Variants in EXOC6 observed in about 807,000 individuals in gnomAD.
EXOC6 encodes exocyst complex component 6, also known as SEC15-like 1.
In EXOC6, 60 loss-of-function variants were observed where a neutral mutation model predicts 112.5. That is an observed-to-expected ratio of 0.53 (90% CI 0.43 to 0.66). The LOEUF (loss-of-function observed/expected upper bound fraction) is 0.66, where lower values mean the gene tolerates loss of function less well. EXOC6 is among the 30% of genes least tolerant of loss of function. The pLI, the probability that EXOC6 is intolerant of heterozygous loss-of-function variation, is 0.00. For synonymous variants in EXOC6, 295 were observed against 308.0 expected, an observed-to-expected ratio of 0.96 and a Z score of 0.44; for missense variants, 855 against 957.1, an observed-to-expected ratio of 0.89 and a Z score of 1.41.
At chr10:93,046,237 G>C (rs77706137) in intron 20 of EXOC6, among the ~76,000 whole-genome samples, 2,835 of 152,270 alleles carry the variant, frequency 0.019, 81 homozygotes, top group African/African-American at 0.065. Flanking sequence ...TTATTAGAAG[G>C]AGGAAAAAGG....
chr10:92,979,251 C>A (rs895530337), intron 18 of EXOC6, among the ~76,000 whole-genome samples: 1 of 152,180 alleles, frequency 6.6e-6, no homozygotes, highest in Non-Finnish European at 1.5e-5. Flanking sequence ...GCCTCTGCCT[C>A]GAGGTTCAAG....
intron 18 of EXOC6, among the ~76,000 whole-genome samples, chr10:92,975,442 C>A (rs556311698): frequency 7.7e-4 from 117 of 151,228 alleles, no homozygotes; most frequent in African/African-American, 2.8e-3. Context: ...AGGAGCGTCT[C>A]CGCCCGGCAG....
chr10:92,892,255 T>A (rs982637952), intron 1 of EXOC6, among the ~76,000 whole-genome samples: 3 of 152,020 alleles, frequency 2.0e-5, no homozygotes, highest in African/African-American at 7.2e-5. Flanking sequence ...CAGATTAAAA[T>A]CAACAGCAGA....
intron 1 of EXOC6, among the ~76,000 whole-genome samples, chr10:92,873,376 A>T (rs1288689506): frequency 6.6e-6 from 1 of 152,228 alleles, no homozygotes; most frequent in Non-Finnish European, 1.5e-5. Flanking sequence ...GTTAACTAAC[A>T]CACGACACTA....
chr10:92,855,238 T>A (rs1429994885), intron 1 of EXOC6, among the ~76,000 whole-genome samples: 1 of 152,058 alleles, frequency 6.6e-6, no homozygotes, highest in Non-Finnish European at 1.5e-5. Context: ...TTTTTTTAAT[T>A]TATGTTTGAG....
In EXOC6 at chr10:93,058,287, CAG is replaced by C; in HGVS notation, c.2349_2350del (p.Lys784ValfsTer38). Reference protein sequence around the residue: ...AQFRKNDRDKQKLIETVVKQL... With the variant: ...AQFRKNDRDKXKLIETVVKQL... ...GTTCAGGAAGAATGATCGAGACAAA[CAG>C]AAGTTGATAGAGACAGTCGTGAAAC... On this transcript the variant is annotated frameshift_variant, in exon 22 of 22. Coordinates refer to ENST00000260762, the MANE Select transcript of EXOC6 (RefSeq NM_019053.6). LOFTEE classifies it high-confidence loss of function. 1 of 1,611,634 alleles carries C rather than the reference CAG, an allele frequency of 6.2e-7. No homozygotes were observed. Among genetic ancestry groups the C allele is most frequent in the Non-Finnish European group, 8.5e-7 (1 of 1,179,440 alleles).
intron 1 of EXOC6, among the ~76,000 whole-genome samples, chr10:92,828,719 TGTG>T (rs1846424736): frequency 1.5e-5 from 1 of 67,178 alleles, no homozygotes; most frequent in Admixed American, 1.6e-4. Flanking sequence ...TGTGTGTGTG[TGTG>T]TGTGTGTATT....
At chr10:92,950,861 C>A (rs1044923319) in intron 14 of EXOC6, among the ~76,000 whole-genome samples, 7 of 152,094 alleles carry the variant, frequency 4.6e-5, no homozygotes, top group Non-Finnish European at 8.8e-5. Flanking sequence ...GGCAGGGAGA[C>A]CACCTAGTAG....
At chr10:92,998,387 C>T (rs762082291) in intron 19 of EXOC6, among the ~76,000 whole-genome samples, 5 of 151,896 alleles carry the variant, frequency 3.3e-5, no homozygotes, top group Non-Finnish European at 7.4e-5. Context: ...CAGTGGGGCA[C>T]AAGAAGGATT....
In EXOC6 at chr10:92,930,452, G is replaced by A. The variant is rs918416671; in HGVS notation, c.972+2030G>A. Among the ~76,000 whole-genome samples, 46 of 151,914 alleles carry A rather than the reference G, an allele frequency of 3.0e-4. 1 individual carries two copies. Among genetic ancestry groups the A allele is most frequent in the Non-Finnish European group, 5.7e-4 (39 of 67,984 alleles). ...CGAGAGGCAGAGGTTGCAGTGAGCC[G>A]ACATCGCACCATTGCACTCCAGCCT... On this transcript the variant is annotated intron_variant, in intron 9 of 21. Transcript: ENST00000260762.
At chr10:92,857,166 C>CT (rs11407715) in intron 1 of EXOC6, among the ~76,000 whole-genome samples, 57,665 of 144,602 alleles carry the variant, frequency 0.4, 11,671 homozygotes, top group Middle Eastern at 0.51. Context: ...TTCTTTCTTC[C>CT]TTTTTTTTTT....
chr10:92,975,473 G>A (rs1170071028), intron 18 of EXOC6, among the ~76,000 whole-genome samples: 2 of 148,352 alleles, frequency 1.3e-5, no homozygotes, highest in Non-Finnish European at 3.0e-5. Context: ...CGGGAGGGAG[G>A]TGGGGGGGGT....
At chr10:92,881,614 C>G (rs1393915506) in intron 1 of EXOC6, among the ~76,000 whole-genome samples, 1 of 152,124 alleles carries the variant, frequency 6.6e-6, no homozygotes, top group Non-Finnish European at 1.5e-5. Flanking sequence ...TTTTTCTTGA[C>G]CTACGTATTA....
Position 92,929,585 on chromosome 10 carries a change from G to A in EXOC6, c.972+1163G>A, listed in dbSNP as rs1851915107. On this transcript the variant is annotated intron_variant, in intron 9 of 21. Transcript: ENST00000260762. ...ATAGAGTATATAATAGTGCTACTTA[G>A]TATATTTAAAGAAATAAAAGCCAAG... is the stretch of plus-strand genomic sequence containing the variant. 2.0e-5 allele frequency among the ~76,000 whole-genome samples: 3 copies of A among 152,258 alleles called. No homozygotes were observed. In the South Asian group the frequency reaches 6.2e-4, roughly 32 times the overall value.
chr10:92,840,870 C>T (rs1229046189), intron 1 of EXOC6, among the ~76,000 whole-genome samples: 1 of 151,840 alleles, frequency 6.6e-6, no homozygotes, highest in African/African-American at 2.4e-5. Flanking sequence ...GTTGTCCAGG[C>T]TGGTCTTGAA....
intron 20 of EXOC6, among the ~76,000 whole-genome samples, chr10:93,039,516 T>C (rs1439952987): frequency 6.6e-6 from 1 of 152,134 alleles, no homozygotes; most frequent in African/African-American, 2.4e-5. Flanking sequence ...TATCTGGACA[T>C]TCACCCCATC....
At chr10:92,915,393 A>C (rs1851020944) in intron 6 of EXOC6, among the ~76,000 whole-genome samples, 1 of 149,546 alleles carries the variant, frequency 6.7e-6, no homozygotes, top group Non-Finnish European at 1.5e-5. Context: ...ATACAAAAAC[A>C]AAAAAAACAA....
At chr10:92,850,567 A>T (rs1847274702) in intron 1 of EXOC6, among the ~76,000 whole-genome samples, 2 of 152,152 alleles carry the variant, frequency 1.3e-5, no homozygotes, top group African/African-American at 4.8e-5. Context: ...TTTAAAAACC[A>T]TTTATTATGG....
At chr10:92,992,790 AAG>A (rs1187129172) in intron 18 of EXOC6, among the ~76,000 whole-genome samples, 3 of 151,938 alleles carry the variant, frequency 2.0e-5, no homozygotes, top group Non-Finnish European at 2.9e-5. Context: ...TAAAATTTAA[AAG>A]AGCTACAATT....
Sources: gnomAD v4.1 joint callset for allele counts (sites outside exome capture counted in the v4.1 genomes callset) on GRCh38, gnomAD v4.1.1 for gene constraint, MANE v1.5 for transcripts, NCBI Gene and HGNC (gene_info 2026-07-23, HGNC 2026-07-21) for gene names.